The following LRGUK variants were observed in gnomAD, a reference collection of about 807,000 sequenced individuals.
LRGUK encodes leucine-rich repeat and guanylate kinase domain-containing protein.
LRGUK carries 65 observed loss-of-function variants against 76.0 expected under a neutral mutation model. The ratio of observed to expected loss-of-function variants is 0.85; its 90% CI spans 0.70 to 1.05. The LOEUF is 1.05. LRGUK is among the 50% of genes least tolerant of loss of function. The pLI is 0.00. For missense variants in LRGUK, 758 were observed against 732.8 expected, an observed-to-expected ratio of 1.03 and a Z score of -0.40; for synonymous variants, 268 against 265.6, an observed-to-expected ratio of 1.01 and a Z score of -0.09.
intron 11 of LRGUK, among the ~76,000 whole-genome samples, chr7:134,184,455 G>A (rs1235964252): frequency 6.6e-6 from 1 of 151,868 alleles, no homozygotes; most frequent in Admixed American, 6.6e-5. Flanking sequence ...ATTACTAGTA[G>A]AGAAGGGGTT....
At chr7:134,180,411 T>A (rs1428233681) in intron 10 of LRGUK, among the ~76,000 whole-genome samples, 2 of 152,174 alleles carry the variant, frequency 1.3e-5, no homozygotes, top group African/African-American at 2.4e-5. Context: ...TCTGTGTCTA[T>A]CTATAGATAG....
exon 16 of LRGUK, chr7:134,209,583 A>C: frequency 2.5e-6 from 1 of 398,874 alleles, no homozygotes; most frequent in Non-Finnish European, 4.4e-6. Flanking sequence ...GCTCCCCTCC[A>C]GAGCAGGAGG....
chr7:134,185,657 C>CCTGT (rs1309742920), intron 11 of LRGUK, among the ~76,000 whole-genome samples: 2 of 151,924 alleles, frequency 1.3e-5, no homozygotes, highest in Non-Finnish European at 2.9e-5. Flanking sequence ...ATTAGTGGTG[C>CCTGT]CTGTCAGTGA....
intron 10 of LRGUK, among the ~76,000 whole-genome samples, chr7:134,181,594 T>C (rs1050032256): frequency 6.6e-6 from 1 of 152,164 alleles, no homozygotes; most frequent in Non-Finnish European, 1.5e-5. Context: ...TTTCTGTTCC[T>C]TTGGTTTTCA....
At position 134,196,974 on chromosome 7, in the gene LRGUK, G is replaced by A. The variant is rs1403672700; in HGVS notation, c.1432-18G>A. 1 of 1,355,740 alleles carries A rather than the reference G, an allele frequency of 7.4e-7. No individual in the cohort carries two copies. 84.0% of individuals were successfully genotyped at this position (1,355,740 alleles called of 1,614,324 possible). ...TGGCTGCTGTTATATGAAAATCTTT[G>A]TTCTTCTCGAATTCCAGGGGAAATT... On this transcript the variant is annotated intron_variant, in intron 12 of 15. Coordinates refer to ENST00000645682, the Ensembl canonical transcript of LRGUK.
chr7:134,203,351 AT>A (rs1474831337), intron 15 of LRGUK, among the ~76,000 whole-genome samples: 1 of 152,162 alleles, frequency 6.6e-6, no homozygotes, highest in Non-Finnish European at 1.5e-5. Flanking sequence ...CTTTGCAAGT[AT>A]GTTCAGCTTT....
At chr7:134,148,026 C>T (rs923451019) in intron 4 of LRGUK, among the ~76,000 whole-genome samples, 2 of 143,912 alleles carry the variant, frequency 1.4e-5, no homozygotes, top group African/African-American at 2.6e-5. Context: ...CACACCACTG[C>T]ACTCCAGCCT....
chr7:134,262,983 A>C (rs1802772014), intron 19 of LRGUK, among the ~76,000 whole-genome samples: 1 of 151,896 alleles, frequency 6.6e-6, no homozygotes, highest in Admixed American at 6.5e-5. Flanking sequence ...AAAAAAAAAA[A>C]AAAAAAAAAA....
intron 5 of LRGUK, among the ~76,000 whole-genome samples, chr7:134,157,219 C>A (rs1430640389): frequency 6.6e-6 from 1 of 152,158 alleles, no homozygotes; most frequent in Non-Finnish European, 1.5e-5. Flanking sequence ...GAATGGAGGT[C>A]AATGTAGACG....
the LRGUK span, among the ~76,000 whole-genome samples, chr7:134,272,889 A>G: frequency 1.3e-5 from 2 of 152,190 alleles, no homozygotes; most frequent in Admixed American, 6.5e-5. Flanking sequence ...TCAATTCAGG[A>G]CAATCTCATT....
intron 7 of LRGUK, among the ~76,000 whole-genome samples, chr7:134,169,960 C>T (rs1443456812): frequency 2.0e-5 from 3 of 151,960 alleles, no homozygotes; most frequent in Admixed American, 6.6e-5. Flanking sequence ...AGTGTCCTAC[C>T]AGCAGTATAT....
At chr7:134,267,346 A>G (rs1348199777), downstream of LRGUK, among the ~76,000 whole-genome samples, 3 of 152,352 alleles carry the variant, frequency 2.0e-5, no homozygotes, top group East Asian at 1.9e-4. Context: ...CTTCTCACTT[A>G]TAAGTGGGAG....
chr7:134,168,673 G>A (rs1799102106), intron 7 of LRGUK, among the ~76,000 whole-genome samples: 1 of 152,128 alleles, frequency 6.6e-6, no homozygotes, highest in East Asian at 1.9e-4. Context: ...AGAATTACTA[G>A]GGCAGATTGG....
intron 8 of LRGUK, among the ~76,000 whole-genome samples, chr7:134,176,012 T>C (rs903525840): frequency 6.6e-6 from 1 of 152,114 alleles, no homozygotes; most frequent in Non-Finnish European, 1.5e-5. Context: ...CAAGACAGGG[T>C]TTGAGTCACT....
downstream of LRGUK, among the ~76,000 whole-genome samples, chr7:134,211,943 G>C (rs1438432835): frequency 6.6e-6 from 1 of 152,146 alleles, no homozygotes; most frequent in Non-Finnish European, 1.5e-5. Context: ...TCATCTCCTG[G>C]ACTCTGGTCT....
chr7:134,261,482 A>C (rs1042371531), intron 19 of LRGUK, among the ~76,000 whole-genome samples: 1 of 152,160 alleles, frequency 6.6e-6, no homozygotes, highest in Non-Finnish European at 1.5e-5. Flanking sequence ...TAAAACCAAC[A>C]AGCATGTGAC....
At position 134,248,107 on chromosome 7, in the gene LRGUK, C is replaced by T. The variant is rs577773117; in HGVS notation, c.2072+463C>T. 3.3e-5 allele frequency among the ~76,000 whole-genome samples: 5 copies of T among 152,262 alleles called. No individual in the cohort carries two copies. In the East Asian group the frequency reaches 9.6e-4, roughly 29 times the overall value. On this transcript the variant is annotated intron_variant, in intron 17 of 19. Transcript: ENST00000285928. ...AATTTTCTTCATGTTGGTAGGCTAT[C>T]TTTGGATAGTCAGATTCAAAAGACA... is the stretch of plus-strand genomic sequence containing the variant.
chr7:134,261,013 A>C (rs1332523420), intron 19 of LRGUK, among the ~76,000 whole-genome samples: 3 of 152,084 alleles, frequency 2.0e-5, no homozygotes, highest in African/African-American at 7.2e-5. Context: ...CCACCATTTG[A>C]GTGTGGCTTT....
At chr7:134,223,008 G>A (rs1801641054) in intron 16 of LRGUK, among the ~76,000 whole-genome samples, 2 of 152,156 alleles carry the variant, frequency 1.3e-5, no homozygotes. Context: ...AAAGTCTTAG[G>A]CTGGGGCATA....
Sources: allele counts gnomAD v4.1 joint callset (sites outside exome capture counted in the v4.1 genomes callset), GRCh38; gene constraint gnomAD v4.1.1; transcripts MANE v1.5; gene names NCBI Gene and HGNC (gene_info 2026-07-23, HGNC 2026-07-21).